Variants in ZNF282 observed in about 807,000 individuals in gnomAD.
The protein encoded by ZNF282 is zinc finger protein 282, also known as HTLV-I U5 repressive element-binding protein 1.
A neutral mutation model predicts 61.9 loss-of-function variants in ZNF282; 30 were observed. That is an observed-to-expected ratio of 0.48 (90% confidence interval 0.36 to 0.66). ZNF282 has a LOEUF of 0.66. Ranked by LOEUF, ZNF282 falls within the 30% of genes least tolerant of loss-of-function variation. The pLI is 0.00. For synonymous variants in ZNF282, 396 were observed against 405.0 expected (o/e 0.98, Z 0.27); for missense variants, 788 against 941.4 (o/e 0.84, Z 2.13).
intron 4 of ZNF282, among the ~76,000 whole-genome samples, chr7:149,208,584 C>T (rs189384757): frequency 1.3e-5 from 2 of 152,288 alleles, no homozygotes; most frequent in East Asian, 3.9e-4. Flanking sequence ...ACTCTCTCCT[C>T]CTCCCATTCC....
intron 3 of ZNF282, among the ~76,000 whole-genome samples, chr7:149,207,034 C>T (rs1322594051): frequency 6.6e-6 from 1 of 152,154 alleles, no homozygotes; most frequent in African/African-American, 2.4e-5. Flanking sequence ...TACCATAGAA[C>T]TCAACGTTAC....
At chr7:149,221,620 C>T (rs906617367) in intron 7 of ZNF282, among the ~76,000 whole-genome samples, 11 of 152,100 alleles carry the variant, frequency 7.2e-5, no homozygotes, top group African/African-American at 1.7e-4. Flanking sequence ...AGCGATCTCC[C>T]GGGATTCTCT....
intron 2 of ZNF282, among the ~76,000 whole-genome samples, chr7:149,204,919 C>G (rs111533399): frequency 0.011 from 1,739 of 152,236 alleles, 28 homozygotes; most frequent in African/African-American, 0.04. Flanking sequence ...GAGATCGAGA[C>G]CATCCTGGCT....
intron 2 of ZNF282, among the ~76,000 whole-genome samples, chr7:149,201,290 C>T (rs187316051): frequency 5.9e-5 from 9 of 152,312 alleles, no homozygotes; most frequent in African/African-American, 1.7e-4. Flanking sequence ...CCACTCCCAT[C>T]GCCATCGTCT....
chr7:149,214,002 A>G (rs1796125833), intron 7 of ZNF282, among the ~76,000 whole-genome samples, 188 bp downstream of exon 7: 1 of 152,190 alleles, frequency 6.6e-6, no homozygotes, highest in African/African-American at 2.4e-5. Context: ...TTAGCTCCCC[A>G]GGACTGTCAT....
At position 149,210,720 on chromosome 7, in the gene ZNF282, A is replaced by G. The variant is rs745848045; in HGVS notation, c.952+16A>G. The G allele has an allele frequency of 1.9e-5, 30 of 1,567,996 alleles. No individual in the cohort carries two copies. The South Asian group carries it at 2.0e-4, about 11-fold the overall frequency. On this transcript the variant is annotated intron_variant, in intron 5 of 7. Coordinates refer to ENST00000610704, the MANE Select transcript of ZNF282 (RefSeq NM_003575.4). ...TCCATTACCGGTGAGTGAGCCAAGC[A>G]GCCGTCCACACCAGGGAGGGGAGGG...
intron 6 of ZNF282, among the ~76,000 whole-genome samples, 186 bp downstream of exon 6, chr7:149,212,657 C>T (rs1796106374): frequency 6.6e-6 from 1 of 152,210 alleles, no homozygotes; most frequent in East Asian, 1.9e-4. Flanking sequence ...CTCAGCTCAC[C>T]GCAACCTCCG....
intron 7 of ZNF282, among the ~76,000 whole-genome samples, chr7:149,218,585 A>G (rs1037771768): frequency 2.6e-5 from 4 of 152,148 alleles, no homozygotes; most frequent in Non-Finnish European, 5.9e-5. Context: ...GGATAGACTG[A>G]TTTGGGAGTT....
chr7:149,209,925 TC>T (rs1563177906), intron 4 of ZNF282, among the ~76,000 whole-genome samples: 1 of 152,214 alleles, frequency 6.6e-6, no homozygotes, highest in African/African-American at 2.4e-5. Context: ...AATTTTTCTT[TC>T]TCATCAATGT....
At chr7:149,215,719 T>G (rs888015153) in intron 7 of ZNF282, among the ~76,000 whole-genome samples, 4 of 152,192 alleles carry the variant, frequency 2.6e-5, no homozygotes, top group Non-Finnish European at 5.9e-5. Flanking sequence ...GTCCTCTTTG[T>G]AACTGCTGGC....
intron 2 of ZNF282, among the ~76,000 whole-genome samples, chr7:149,200,626 C>T (rs566111203): frequency 1.2e-4 from 18 of 152,158 alleles, no homozygotes; most frequent in East Asian, 9.6e-4. Flanking sequence ...GACAGAGTCC[C>T]GCTCTGTTGC....
At position 149,203,846 on chromosome 7, in the gene ZNF282, A is replaced by C. The variant is rs114396541; in HGVS notation, c.586-2850A>C. On this transcript the variant is annotated intron_variant, in intron 2 of 7. Coordinates refer to ENST00000610704, the MANE Select transcript of ZNF282 (RefSeq NM_003575.4). ...CTTACTTCATGGAGTTGTGAGGATTAATTAATTTTATTTGTGGGAAGACAC... is the reference window on the plus strand; with the variant it reads ...CTTACTTCATGGAGTTGTGAGGATTCATTAATTTTATTTGTGGGAAGACAC... Among the ~76,000 whole-genome samples the C allele has an allele frequency of 3.9e-5, 6 of 152,352 alleles. 1 individual carries two copies. In the South Asian group the frequency reaches 1.2e-3, roughly 32 times the overall value.
At position 149,198,567 on chromosome 7, in the gene ZNF282, G is replaced by A; in HGVS notation, c.400G>A (p.Ala134Thr). The change falls in exon 2 of 8, where the codon GCC (alanine) becomes ACC (threonine). Residue 134 changes from alanine to threonine, a missense_variant. By Grantham distance (58) the Ala-to-Thr change is moderately conservative (BLOSUM62 0). Around this residue, in one of 3 missense-constraint regions of ZNF282, gnomAD observed 92 missense variants for 163.9 expected, o/e 0.56. Coordinates refer to ENST00000610704, the MANE Select transcript of ZNF282 (RefSeq NM_003575.4). The surrounding 1 kb of genome is among the most constrained non-coding windows in gnomAD (Gnocchi z 4.3). ...CACGGGGACAGCCGAGAAGAAGCTG[G>A]CCGACTGTGAAAAGACGGCCGTGGA... ...GRTGTAEKKL[A>T]DCEKTAVEFG... The A allele has an allele frequency of 6.2e-7, 1 of 1,614,228 alleles. No individual in the cohort carries two copies. The highest frequency in any genetic ancestry group is 8.5e-7 in the Non-Finnish European group (1 of 1,180,052).
chr7:149,210,224 T>C (rs747551609), intron 4 of ZNF282, among the ~76,000 whole-genome samples: 1 of 152,074 alleles, frequency 6.6e-6, no homozygotes, highest in South Asian at 2.1e-4. Context: ...AGGTCCAACT[T>C]GTGGCCCAGT....
Position 149,224,610 on chromosome 7 carries a change from C to A in ZNF282, c.1979C>A (p.Ala660Asp), listed in dbSNP as rs763784976. The A allele has an allele frequency of 1.7e-5, 27 of 1,551,086 alleles. 1 individual carries two copies. In the South Asian group the frequency reaches 3.1e-4, roughly 18 times the overall value. ...CACAGCGGCGGCCCGGGCCCCGGCG[C>A]CCCACGGCAGCTCCCGCCGCCTCCT... Reference protein sequence around the residue: ...RVHSGGPGPGAPRQLPPPPER... With the variant: ...RVHSGGPGPGDPRQLPPPPER... Residue 660 changes from alanine (A) to aspartate (D), a missense_variant, in exon 8 of 8, where the codon GCC becomes GAC. This residue lies in a region of ZNF282 where 559 missense variants were observed against 642.0 expected (regional missense o/e 0.87). Transcript: ENST00000610704.
At chr7:149,196,690 G>A (rs1277057761) in intron 1 of ZNF282, among the ~76,000 whole-genome samples, 2 of 152,168 alleles carry the variant, frequency 1.3e-5, no homozygotes, top group South Asian at 2.1e-4. Flanking sequence ...ACTAAACTGG[G>A]CCCCGGGACT....
intron 4 of ZNF282, 61 bp downstream of exon 4, chr7:149,207,531 C>A: frequency 6.5e-7 from 1 of 1,545,786 alleles, no homozygotes; most frequent in Non-Finnish European, 8.7e-7. Flanking sequence ...AGCCGGCTTT[C>A]CGCACACTGC....
chr7:149,214,410 G>T (rs903959602), intron 7 of ZNF282, among the ~76,000 whole-genome samples: 1 of 152,070 alleles, frequency 6.6e-6, no homozygotes, highest in Admixed American at 6.6e-5. Context: ...AACATATTTG[G>T]TGGGGAGGGG....
chr7:149,223,315 G>A (rs938360134), intron 7 of ZNF282, among the ~76,000 whole-genome samples: 3 of 151,962 alleles, frequency 2.0e-5, no homozygotes, highest in African/African-American at 7.3e-5. Context: ...GGGCCTGGTG[G>A]CGCATGCTTA....
Sources: gnomAD v4.1 joint callset for allele counts (sites outside exome capture counted in the v4.1 genomes callset) on GRCh38, gnomAD v4.1.1 for gene constraint, gnomAD v4.1.1 regional missense constraint, Gnocchi (gnomAD v3.1) non-coding constraint, MANE v1.5 for transcripts, NCBI Gene and HGNC (gene_info 2026-07-23, HGNC 2026-07-21) for gene names.